Variants in TDRD10 observed in about 807,000 individuals in gnomAD.
TDRD10 encodes tudor domain-containing protein 10.
TDRD10 carries 40 observed loss-of-function variants against 48.0 expected under a neutral mutation model. The ratio of observed to expected loss-of-function variants is 0.83; its 90% CI spans 0.65 to 1.09. The LOEUF (loss-of-function observed/expected upper bound fraction) is 1.09. Ranked by LOEUF, TDRD10 falls within the 50% of genes least tolerant of loss-of-function variation. The probability of loss-of-function intolerance (pLI) is 0.00; values close to 1 mark genes in which losing one functional copy is unlikely to be tolerated. For synonymous variants in TDRD10, 162 were observed against 170.4 expected (o/e 0.95, Z 0.38); for missense variants, 378 against 434.7 (o/e 0.87, Z 1.16).
At chr1:154,534,198 A>T (rs1041971080) in intron 6 of TDRD10, among the ~76,000 whole-genome samples, 4 of 152,216 alleles carry the variant, frequency 2.6e-5, no homozygotes, top group African/African-American at 4.8e-5. Flanking sequence ...CATGACAGAC[A>T]GTAAGGCCCC....
chr1:154,502,868 T>A lies in TDRD10; in HGVS notation c.-189T>A, dbSNP rs1201064581. On this transcript the variant is annotated 5_prime_UTR_variant, in exon 1 of 13. Coordinates refer to ENST00000368482, the MANE Select transcript of TDRD10 (RefSeq NM_182499.4). Reference sequence around the variant, plus strand: ...TCCGTTACTCTTCGGTGGCACACGGTCCTGGGCAGCGCGAGGCTCTTCCCG... The same window carrying A: ...TCCGTTACTCTTCGGTGGCACACGGACCTGGGCAGCGCGAGGCTCTTCCCG... The A allele has an allele frequency of 2.0e-5, 3 of 152,244 alleles. No individual in the cohort carries two copies. The highest frequency in any genetic ancestry group is 2.1e-4 in the South Asian group (1 of 4,834). 9.4% of individuals were successfully genotyped at this position (152,244 alleles called of 1,614,324 possible). A position where few individuals can be genotyped will look rare whatever the true frequency, so the allele number is the denominator to read the frequency against.
At chr1:154,522,374 A>G (rs991382954) in intron 6 of TDRD10, among the ~76,000 whole-genome samples, 1 of 152,146 alleles carries the variant, frequency 6.6e-6, no homozygotes, top group Non-Finnish European at 1.5e-5. Flanking sequence ...AGATAGACAC[A>G]TTGTTGCTAA....
At chr1:154,519,738 T>C (rs1693957646) in intron 4 of TDRD10, among the ~76,000 whole-genome samples, 1 of 128,316 alleles carries the variant, frequency 7.8e-6, no homozygotes, top group Non-Finnish European at 1.7e-5. Flanking sequence ...ATAGACCTTA[T>C]CATAAAGCGG....
At chr1:154,547,061 CCTT>C (rs773947104) in intron 11 of TDRD10, among the ~76,000 whole-genome samples, 13 of 152,094 alleles carry the variant, frequency 8.5e-5, no homozygotes, top group East Asian at 1.9e-4. Context: ...CTGGTTTTAA[CCTT>C]CTTCTATCCA....
At chr1:154,544,135 C>T (rs1452107882) in intron 9 of TDRD10, 25 bp downstream of exon 9, 6 of 1,614,012 alleles carry the variant, frequency 3.7e-6, no homozygotes, top group Non-Finnish European at 3.4e-6. Flanking sequence ...TTGGCCCCCT[C>T]AGGCTCCTGT....
intron 6 of TDRD10, among the ~76,000 whole-genome samples, chr1:154,525,915 AAAAAG>A (rs1165789065): frequency 8.6e-4 from 128 of 149,388 alleles, no homozygotes; most frequent in African/African-American, 2.8e-3. Flanking sequence ...AAAAAAAAAA[AAAAAG>A]AGGCTGGGCG....
At chr1:154,523,400 G>A (rs1378835459) in intron 6 of TDRD10, among the ~76,000 whole-genome samples, 5 of 152,152 alleles carry the variant, frequency 3.3e-5, no homozygotes, top group African/African-American at 1.2e-4. Flanking sequence ...TCAACAAAAG[G>A]GTTTGTGAAC....
intron 6 of TDRD10, among the ~76,000 whole-genome samples, chr1:154,539,669 T>A (rs1390724458): frequency 6.6e-6 from 1 of 152,242 alleles, no homozygotes; most frequent in Non-Finnish European, 1.5e-5. Flanking sequence ...GAGAGCTTAA[T>A]ATGCACCAGG....
chr1:154,506,943 C>G, intron 2 of TDRD10, 38 bp downstream of exon 2: 2 of 1,614,204 alleles, frequency 1.2e-6, no homozygotes, highest in East Asian at 2.2e-5. Flanking sequence ...AAGCCTCGCT[C>G]CATCCCCCAG....
intron 6 of TDRD10, among the ~76,000 whole-genome samples, chr1:154,527,134 C>T (rs1030508853): frequency 6.6e-6 from 1 of 150,464 alleles, no homozygotes; most frequent in East Asian, 2.0e-4. Flanking sequence ...TGGTCTAGAA[C>T]ACCTGACCTT....
At chr1:154,539,947 G>A (rs564774018) in intron 6 of TDRD10, among the ~76,000 whole-genome samples, 20 of 152,340 alleles carry the variant, frequency 1.3e-4, no homozygotes, top group African/African-American at 4.6e-4. Context: ...GGCAGAGGGA[G>A]GCCTGCAAGT....
chr1:154,505,694 A>G (rs1215423204), intron 1 of TDRD10, among the ~76,000 whole-genome samples: 2 of 152,214 alleles, frequency 1.3e-5, no homozygotes, highest in African/African-American at 4.8e-5. Context: ...GAATCACAGG[A>G]CTGAGTTACC....
At chr1:154,522,753 T>C (rs992714182) in intron 6 of TDRD10, among the ~76,000 whole-genome samples, 2 of 152,234 alleles carry the variant, frequency 1.3e-5, no homozygotes, top group Admixed American at 6.5e-5. Flanking sequence ...CAGACTATAC[T>C]GCTTAGGAAC....
At chr1:154,535,611 T>A (rs527658176) in intron 6 of TDRD10, among the ~76,000 whole-genome samples, 2 of 147,522 alleles carry the variant, frequency 1.4e-5, no homozygotes, top group East Asian at 4.1e-4. Context: ...CCTGAAGGAG[T>A]TTGAGGTTGC....
intron 10 of TDRD10, 57 bp downstream of exon 10, chr1:154,544,574 C>A: frequency 6.4e-7 from 1 of 1,573,084 alleles, no homozygotes; most frequent in South Asian, 1.2e-5. Flanking sequence ...AAAATGCTCC[C>A]TTCTTGCATT....
chr1:154,541,233 G>T (rs1464350738), intron 6 of TDRD10, among the ~76,000 whole-genome samples: 1 of 151,552 alleles, frequency 6.6e-6, no homozygotes, highest in African/African-American at 2.4e-5. Flanking sequence ...GCTTGAGCCA[G>T]AGCGGGAGGG....
intron 1 of TDRD10, among the ~76,000 whole-genome samples, chr1:154,503,889 C>T (rs1049618849): frequency 5.9e-5 from 9 of 152,142 alleles, no homozygotes; most frequent in Non-Finnish European, 1.2e-4. Context: ...AATTCACATA[C>T]CATAAAATTC....
Position 154,544,419 on chromosome 1 carries a change from G to A in TDRD10, c.699G>A (p.Ala233=), listed in dbSNP as rs753463809. ...MQALFSTLAQ[A]EEQQPYLEGS... is the part of the protein sequence containing the mutation. Reference sequence around the variant, plus strand: ...CTCTGTTTAGCACCCTGGCTCAGGCGGAGGAGCAGCAGCCCTACCTGGAGG... The same window carrying A: ...CTCTGTTTAGCACCCTGGCTCAGGCAGAGGAGCAGCAGCCCTACCTGGAGG... Residue 233 remains alanine, a synonymous_variant, in exon 10 of 13, where the codon GCG becomes GCA. Transcript: ENST00000368482. 3.7e-5 allele frequency: 60 copies of A among 1,605,276 alleles called. No individual in the cohort carries two copies. The Admixed American group carries it at 4.7e-4, about 12-fold the overall frequency.
intron 4 of TDRD10, among the ~76,000 whole-genome samples, chr1:154,516,353 C>T (rs968363337): frequency 6.6e-6 from 1 of 151,380 alleles, no homozygotes; most frequent in Non-Finnish European, 1.5e-5. Context: ...GCAGAGGCTT[C>T]GAGAAGGTGG....
Sources: gnomAD v4.1 joint callset for allele counts (sites outside exome capture counted in the v4.1 genomes callset) on GRCh38, gnomAD v4.1.1 for gene constraint, MANE v1.5 for transcripts, NCBI Gene and HGNC (gene_info 2026-07-23, HGNC 2026-07-21) for gene names.